SPAG9: variants seen among roughly 807,000 people sequenced by gnomAD.
SPAG9 encodes the protein sperm associated antigen 9.
A neutral mutation model predicts 166.5 loss-of-function variants in SPAG9; 35 were observed. The ratio of observed to expected loss-of-function variants is 0.21; its 90% CI spans 0.16 to 0.28. The LOEUF is 0.28. Among genes scored for constraint, SPAG9 ranks in the 10% least tolerant of loss-of-function variants. The pLI is 1.00. For missense variants in SPAG9, 1,235 were observed against 1,603.3 expected (o/e 0.77, Z 3.92); for synonymous variants, 534 against 565.5 (o/e 0.94, Z 0.79).
At chr17:51,084,762 A>C (rs1387180173) in intron 1 of SPAG9, among the ~76,000 whole-genome samples, 3 of 152,116 alleles carry the variant, frequency 2.0e-5, no homozygotes, top group African/African-American at 7.2e-5. Context: ...GCTGTTTTAA[A>C]GAACATACAG....
At chr17:50,989,970 A>G (rs1886960008) in intron 20 of SPAG9, 98 bp from the exon 21 acceptor site, 1 of 904,374 alleles carries the variant, frequency 1.1e-6, no homozygotes, top group Non-Finnish European at 1.8e-6. Context: ...CCATCTACCC[A>G]CTCCTTCACA....
chr17:51,076,924 C>T (rs1350437437), intron 2 of SPAG9, among the ~76,000 whole-genome samples: 1 of 151,458 alleles, frequency 6.6e-6, no homozygotes. Context: ...ACTTTGAAGC[C>T]CAGAAGTGCG....
rs148890718 is a variant in SPAG9, at chr17:51,055,083, C to T, written c.495+1329G>A. Among the ~76,000 whole-genome samples the T allele has an allele frequency of 3.0e-3, 463 of 152,208 alleles. 2 individuals carry two copies. The highest frequency in any genetic ancestry group is 5.0e-3 in the Non-Finnish European group (339 of 68,000). Reference sequence around the variant, plus strand: ...ACAGCAACGTCCAGGCACACTGGCTCACACGTGTAATGCCAGCACTTTGGG... The same window carrying T: ...ACAGCAACGTCCAGGCACACTGGCTTACACGTGTAATGCCAGCACTTTGGG... On this transcript the variant is annotated intron_variant, in intron 3 of 29. Transcript: ENST00000262013.
chr17:51,005,159 G>T, intron 12 of SPAG9, 53 bp downstream of exon 12: 1 of 1,503,320 alleles, frequency 6.7e-7, no homozygotes. Flanking sequence ...AGATCTTCCC[G>T]AAACACCAAA....
intron 21 of SPAG9, among the ~76,000 whole-genome samples, chr17:50,988,197 C>T (rs1567966743): frequency 6.6e-6 from 1 of 151,568 alleles, no homozygotes; most frequent in Non-Finnish European, 1.5e-5. Flanking sequence ...GCCTGGGTGA[C>T]AGGGTGAGAT....
intron 4 of SPAG9, among the ~76,000 whole-genome samples, chr17:51,042,283 TAAG>T (rs879757180): frequency 2.0e-5 from 3 of 152,290 alleles, no homozygotes; most frequent in Admixed American, 6.5e-5. Context: ...TTTTTCCAAA[TAAG>T]AAGGTCAAAT....
chr17:51,083,686 G>A (rs2048232215), intron 1 of SPAG9, among the ~76,000 whole-genome samples: 1 of 151,902 alleles, frequency 6.6e-6, no homozygotes, highest in Admixed American at 6.6e-5. Flanking sequence ...CTCCAGAGTA[G>A]CTGGAACTAC....
chr17:51,085,959 A>ATTTTTTT (rs34918673), intron 1 of SPAG9, among the ~76,000 whole-genome samples: 21 of 88,074 alleles, frequency 2.4e-4, no homozygotes, highest in Non-Finnish European at 3.4e-4. Flanking sequence ...CTTGGAAATC[A>ATTTTTTT]TTTTTTTTTT....
chr17:51,062,226 C>A (rs947472097), intron 2 of SPAG9, among the ~76,000 whole-genome samples: 2 of 152,142 alleles, frequency 1.3e-5, no homozygotes, highest in African/African-American at 4.8e-5. Context: ...CCATCAACAT[C>A]CAGAATCAGA....
At chr17:50,996,905 C>T (rs560087573) in intron 15 of SPAG9, among the ~76,000 whole-genome samples, 1 of 152,098 alleles carries the variant, frequency 6.6e-6, no homozygotes, top group Non-Finnish European at 1.5e-5. Flanking sequence ...TTTGGGAGGC[C>T]GAGGAGGGCA....
At chr17:50,990,773 T>C in intron 19 of SPAG9, 105 bp from the exon 20 acceptor site, 2 of 805,864 alleles carry the variant, frequency 2.5e-6, no homozygotes, top group Middle Eastern at 3.7e-4. Context: ...AGGTGAGATG[T>C]ACAGGTAGTT....
rs532397735 is a variant in SPAG9, at chr17:50,994,311, C to T, written c.2227-376G>A. On this transcript the variant is annotated intron_variant, in intron 18 of 29. Transcript: ENST00000262013. ...ACCATGTAAGAAGTGCCTTTCATCT[C>T]CTGTCATGATTCTGAGGCCTCCCCA... is the stretch of plus-strand genomic sequence containing the variant. Among the ~76,000 whole-genome samples the T allele has an allele frequency of 7.2e-5, 11 of 152,298 alleles. No individual in the cohort carries two copies. In the South Asian group the frequency reaches 1.9e-3, roughly 26 times the overall value.
chr17:51,048,250 AT>A (rs2047085269), intron 3 of SPAG9, among the ~76,000 whole-genome samples: 1 of 152,128 alleles, frequency 6.6e-6, no homozygotes, highest in Admixed American at 6.5e-5. Flanking sequence ...TTGATAATAT[AT>A]AGTTTCACTT....
At chr17:51,089,838 A>G (rs902125269) in intron 1 of SPAG9, among the ~76,000 whole-genome samples, 1 of 150,398 alleles carries the variant, frequency 6.6e-6, no homozygotes, top group Non-Finnish European at 1.5e-5. Flanking sequence ...CACCATGCCC[A>G]GCTAATTTTT....
At chr17:50,975,735 T>A in intron 27 of SPAG9, 1 of 626,290 alleles carries the variant, frequency 1.6e-6, no homozygotes, top group African/African-American at 1.9e-5. Flanking sequence ...AGACACCTGC[T>A]GCGATGCAGT....
Position 51,037,629 on chromosome 17 carries a change from T to A in SPAG9, c.741+3872A>T, listed in dbSNP as rs1400245630. Among the ~76,000 whole-genome samples, 12 of 132,774 alleles carry A rather than the reference T, an allele frequency of 9.0e-5. No homozygotes were observed. In the East Asian group the frequency reaches 1.3e-3, roughly 14 times the overall value. The allele number at this position is 132,774 out of a possible 152,430, so 87.1% of individuals were successfully genotyped here. ...CTCCATCTCAAATAAAAAAAAAAAATTATATATATAAATAAAATAAGTAAA... is the reference window on the plus strand; with the variant it reads ...CTCCATCTCAAATAAAAAAAAAAAAATATATATATAAATAAAATAAGTAAA... On this transcript the variant is annotated intron_variant, in intron 5 of 29. Coordinates refer to ENST00000262013, the MANE Select transcript of SPAG9 (RefSeq NM_001130528.3).
intron 10 of SPAG9, among the ~76,000 whole-genome samples, 174 bp from the exon 11 acceptor site, chr17:51,006,411 A>G (rs1480218780): frequency 6.6e-6 from 1 of 152,228 alleles, no homozygotes. Flanking sequence ...GCAACAGTCT[A>G]AGATTTTACT....
intron 21 of SPAG9, 98 bp from the exon 22 acceptor site, chr17:50,987,335 GTTTA>G: frequency 1.8e-6 from 2 of 1,113,874 alleles, no homozygotes; most frequent in Non-Finnish European, 2.5e-6. Context: ...TTGTTCATTT[GTTTA>G]TTATTTATTT....
At chr17:51,025,855 G>A (rs1203714985) in intron 6 of SPAG9, among the ~76,000 whole-genome samples, 3 of 152,166 alleles carry the variant, frequency 2.0e-5, no homozygotes, top group African/African-American at 7.2e-5. Context: ...TTGCACCCAT[G>A]TTATCATGTA....
Sources: allele counts gnomAD v4.1 joint callset (sites outside exome capture counted in the v4.1 genomes callset), GRCh38; gene constraint gnomAD v4.1.1; transcripts MANE v1.5; gene names NCBI Gene and HGNC (gene_info 2026-07-23, HGNC 2026-07-21).